CTNNA2: variants seen among roughly 807,000 people sequenced by gnomAD.
CTNNA2 encodes catenin alpha 2.
In CTNNA2, 42 loss-of-function variants were observed where a neutral mutation model predicts 101.0. The observed-to-expected ratio is 0.42, with a 90% confidence interval of 0.32 to 0.54. The LOEUF is 0.54. CTNNA2 is among the 20% of genes least tolerant of loss of function. The pLI, the probability that CTNNA2 is intolerant of heterozygous loss-of-function variation, is 0.14. For missense variants in CTNNA2, 871 were observed against 1,223.1 expected (o/e 0.71, Z 4.29); for synonymous variants, 450 against 456.4 (o/e 0.99, Z 0.18).
At chr2:79,651,712 A>G in intron 2 of CTNNA2, 54 bp downstream of exon 2, 1 of 1,475,302 alleles carries the variant, frequency 6.8e-7, no homozygotes, top group African/African-American at 1.4e-5. Flanking sequence ...TTGTGATTAT[A>G]TCCTGACTCT....
chr2:79,613,266 C>T (rs1406488584), intron 1 of CTNNA2, among the ~76,000 whole-genome samples: 3 of 151,578 alleles, frequency 2.0e-5, no homozygotes, highest in Non-Finnish European at 2.9e-5. Flanking sequence ...TCATATCAGA[C>T]TCACAGATTT....
At chr2:79,783,246 G>A (rs573481728) in intron 3 of CTNNA2, among the ~76,000 whole-genome samples, 2 of 152,270 alleles carry the variant, frequency 1.3e-5, no homozygotes, top group East Asian at 3.9e-4. Flanking sequence ...GAGTCTTAGA[G>A]AGTTTTCTAG....
At chr2:79,466,040 A>G (rs1429273819) in intron 4 of CTNNA2, among the ~76,000 whole-genome samples, 2 of 152,192 alleles carry the variant, frequency 1.3e-5, no homozygotes, top group Admixed American at 1.3e-4. Flanking sequence ...CAGTGGGTGC[A>G]GGACAGTGGG....
intron 9 of CTNNA2, among the ~76,000 whole-genome samples, chr2:80,534,292 CA>C (rs144728329): frequency 0.012 from 1,882 of 152,210 alleles, 42 homozygotes; most frequent in African/African-American, 0.043. Flanking sequence ...TACCATGTGG[CA>C]GGATGTTGTA....
chr2:80,288,422 A>G (rs1440911376), intron 7 of CTNNA2: 1 of 152,228 alleles, frequency 6.6e-6, no homozygotes, highest in Non-Finnish European at 1.5e-5. Context: ...CTGTCAGTGA[A>G]GGCATTGAAC....
chr2:80,079,457 G>A (rs1443698502), intron 7 of CTNNA2, among the ~76,000 whole-genome samples: 2 of 152,112 alleles, frequency 1.3e-5, no homozygotes, highest in Non-Finnish European at 2.9e-5. Flanking sequence ...TTATGTGCTG[G>A]GAATACCAAG....
intron 4 of CTNNA2, among the ~76,000 whole-genome samples, chr2:79,383,104 A>G (rs1175992947): frequency 6.6e-6 from 1 of 152,212 alleles, no homozygotes; most frequent in Non-Finnish European, 1.5e-5. Context: ...AATATATGAA[A>G]AAGCATTTGT....
intron 7 of CTNNA2, among the ~76,000 whole-genome samples, chr2:80,053,983 C>G (rs2104345379): frequency 6.6e-6 from 1 of 152,324 alleles, no homozygotes; most frequent in East Asian, 1.9e-4. Flanking sequence ...ATTCATTTTA[C>G]AGAGTAGCAC....
chr2:79,775,374 A>G (rs972630830), intron 3 of CTNNA2, among the ~76,000 whole-genome samples: 20 of 152,274 alleles, frequency 1.3e-4, no homozygotes, highest in Admixed American at 1.2e-3. Context: ...TTTTGGCATC[A>G]TTGATATTAG....
chr2:80,298,621 A>G (rs1302645832), intron 7 of CTNNA2: 1 of 152,258 alleles, frequency 6.6e-6, no homozygotes, highest in East Asian at 1.9e-4. Context: ...CCCTCTGATT[A>G]CTTACATATA....
intron 4 of CTNNA2, among the ~76,000 whole-genome samples, chr2:79,378,564 A>G (rs1454347748): frequency 6.6e-6 from 1 of 152,098 alleles, no homozygotes; most frequent in African/African-American, 2.4e-5. Flanking sequence ...TATCCTTCAA[A>G]TGTCATTTGT....
Position 79,901,821 on chromosome 2 carries a change from A to G in CTNNA2, c.853-7773A>G, listed in dbSNP as rs74801165. 5.6e-3 allele frequency among the ~76,000 whole-genome samples: 859 copies of G among 152,290 alleles called. 8 individuals are homozygous for G. The highest frequency in any genetic ancestry group is 0.019 in the African/African-American group (805 of 41,556). On this transcript the variant is annotated intron_variant, in intron 6 of 18. Transcript: ENST00000402739. Reference sequence around the variant, plus strand: ...GTTCTATGTGTGCTAGAGCTTTCCTACTGACTTAACTGTAATTAAAAACAT... The same window carrying G: ...GTTCTATGTGTGCTAGAGCTTTCCTGCTGACTTAACTGTAATTAAAAACAT...
chr2:80,522,621 G>A (rs992142527), intron 9 of CTNNA2, among the ~76,000 whole-genome samples: 9 of 152,048 alleles, frequency 5.9e-5, no homozygotes, highest in African/African-American at 1.7e-4. Flanking sequence ...GGGGCCTGGT[G>A]GGAGGTGATT....
At chr2:80,359,253 A>G (rs186718167) in intron 7 of CTNNA2, among the ~76,000 whole-genome samples, 65 of 152,272 alleles carry the variant, frequency 4.3e-4, no homozygotes, top group African/African-American at 1.5e-3. Flanking sequence ...CTATCCATCC[A>G]TATCAAATTG....
intron 9 of CTNNA2, among the ~76,000 whole-genome samples, chr2:80,452,260 A>G (rs1455970868): frequency 6.6e-6 from 1 of 151,784 alleles, no homozygotes; most frequent in East Asian, 1.9e-4. Flanking sequence ...CTGTTGTGAT[A>G]TACTGTGGAT....
intron 9 of CTNNA2, among the ~76,000 whole-genome samples, chr2:80,450,185 T>C (rs7609261): frequency 0.45 from 68,833 of 152,018 alleles, 18,168 homozygotes; most frequent in East Asian, 0.75. Context: ...CTGGATTAAG[T>C]CAAATTAAAG....
In CTNNA2 at chr2:79,204,664, T is replaced by A. The variant is rs376735650; in HGVS notation, c.-406+6588T>A. 7.9e-5 allele frequency among the ~76,000 whole-genome samples: 12 copies of A among 152,324 alleles called. No individual in the cohort carries two copies. The East Asian group carries it at 1.2e-3, about 15-fold the overall frequency. ...AATTTATTTTTAAAAAATAGAAATT[T>A]ATGTCTCATAGTTCTGGAGGCTGGG... On this transcript the variant is annotated intron_variant, in intron 2 of 21. Coordinates refer to the CTNNA2 transcript ENST00000466387.
intron 7 of CTNNA2, among the ~76,000 whole-genome samples, chr2:80,155,321 A>C (rs900527269): frequency 5.3e-5 from 8 of 152,290 alleles, no homozygotes; most frequent in African/African-American, 1.9e-4. Context: ...TTAATATCAG[A>C]AGGAATGTAA....
At chr2:79,657,602 T>C (rs991208970) in intron 2 of CTNNA2, among the ~76,000 whole-genome samples, 1 of 151,738 alleles carries the variant, frequency 6.6e-6, no homozygotes, top group Non-Finnish European at 1.5e-5. Context: ...ACATTAAAAG[T>C]TTAAGTCACA....
Sources: gnomAD v4.1 joint callset for allele counts (sites outside exome capture counted in the v4.1 genomes callset) on GRCh38, gnomAD v4.1.1 for gene constraint, MANE v1.5 for transcripts, NCBI Gene and HGNC (gene_info 2026-07-23, HGNC 2026-07-21) for gene names.